Variants in NLN observed in about 807,000 individuals in gnomAD.
NLN encodes the protein neurolysin.
Under a neutral mutation model 79.9 loss-of-function variants are expected in NLN, and 64 were observed. The observed-to-expected ratio is 0.80, with a 90% CI of 0.65 to 0.99. The LOEUF is 0.99. Among genes scored for constraint, NLN ranks in the 50% least tolerant of loss-of-function variants. The pLI is 0.00. For synonymous variants in NLN, 267 were observed against 296.6 expected, an observed-to-expected ratio of 0.90 and a Z score of 1.02; for missense variants, 835 against 858.7, an observed-to-expected ratio of 0.97 and a Z score of 0.34.
chr5:65,796,571 G>T (rs1034974739), intron 9 of NLN, among the ~76,000 whole-genome samples: 1 of 152,104 alleles, frequency 6.6e-6, no homozygotes, highest in Non-Finnish European at 1.5e-5. Flanking sequence ...TCTTTACTTG[G>T]TCATATCTTC....
At chr5:65,731,672 C>G (rs1758610806) in intron 1 of NLN, among the ~76,000 whole-genome samples, 1 of 150,392 alleles carries the variant, frequency 6.6e-6, no homozygotes, top group African/African-American at 2.4e-5. Flanking sequence ...ATGATTTCTG[C>G]CTTTGGTCTC....
At chr5:65,801,320 G>T (rs1234463440) in intron 9 of NLN, among the ~76,000 whole-genome samples, 1 of 152,206 alleles carries the variant, frequency 6.6e-6, no homozygotes, top group East Asian at 1.9e-4. Context: ...AAAAACTGGG[G>T]AATGGTATTT....
intron 1 of NLN, 89 bp downstream of exon 1, chr5:65,722,503 G>A: frequency 8.2e-7 from 1 of 1,213,924 alleles, no homozygotes; most frequent in Non-Finnish European, 1.2e-6. Context: ...ACCCCTTCCC[G>A]ACCGCGCCTC....
chr5:65,805,914 G>T (rs1246078312), intron 9 of NLN, among the ~76,000 whole-genome samples: 3 of 152,234 alleles, frequency 2.0e-5, no homozygotes, highest in Non-Finnish European at 4.4e-5. Flanking sequence ...GTGACTTGAA[G>T]TTGAAGCCAA....
At chr5:65,725,698 C>A (rs1163676524) in intron 1 of NLN, among the ~76,000 whole-genome samples, 1 of 152,220 alleles carries the variant, frequency 6.6e-6, no homozygotes, top group Non-Finnish European at 1.5e-5. Flanking sequence ...GTAACACAAA[C>A]TGTCAGTTGT....
rs16894391 is a variant in NLN, at chr5:65,825,365, T to C, written c.*2450T>C. The C allele has an allele frequency of 0.11, 16,956 of 152,098 alleles. 1,431 individuals are homozygous for C. Among genetic ancestry groups the C allele is most frequent in the African/African-American group, 0.24 (9,880 of 41,448 alleles). The allele number at this position is 152,098 out of a possible 1,614,324, so 9.4% of individuals were successfully genotyped here. A position where few individuals can be genotyped will look rare whatever the true frequency, so the allele number is the denominator to read the frequency against. ...CATATAATAAGGTCTCTCCTGGTAA[T>C]TGATCCAGGGGATTTAGGCCTCTTT... On this transcript the variant is annotated 3_prime_UTR_variant, in exon 13 of 13. Coordinates refer to ENST00000380985, the MANE Select transcript of NLN (RefSeq NM_020726.5).
chr5:65,809,614 C>G lies in NLN; in HGVS notation c.1627C>G (p.Arg543Gly), dbSNP rs200418285. 3.1e-6 allele frequency: 5 copies of G among 1,613,712 alleles called. No individual in the cohort carries two copies. In the Admixed American group the frequency reaches 6.7e-5, roughly 22 times the overall value. ...TTGGGTGTGGGACGTCGATTCCCTC[C>G]GAAGATTGTCAAAACATTATAAAGA... is the stretch of plus-strand genomic sequence containing the variant. ...ENWVWDVDSL[R>G]RLSKHYKDGS... The change falls in exon 10 of 13, where the codon CGA becomes GGA. Residue 543 changes from arginine (R) to glycine (G), a missense_variant. Arg to Gly is a moderately radical substitution (Grantham distance 125, BLOSUM62 -2). Coordinates refer to ENST00000380985, the MANE Select transcript of NLN (RefSeq NM_020726.5).
intron 1 of NLN, among the ~76,000 whole-genome samples, chr5:65,751,393 T>C (rs936653847): frequency 6.6e-6 from 1 of 152,238 alleles, no homozygotes; most frequent in Non-Finnish European, 1.5e-5. Flanking sequence ...TTGTCATATT[T>C]GTCCCATCTT....
intron 3 of NLN, among the ~76,000 whole-genome samples, chr5:65,772,630 A>G (rs567919187): frequency 6.6e-6 from 1 of 152,122 alleles, no homozygotes; most frequent in Non-Finnish European, 1.5e-5. Flanking sequence ...CAAATATAAT[A>G]CAATTAGTTA....
chr5:65,730,522 T>C (rs1579904965), intron 1 of NLN, among the ~76,000 whole-genome samples: 1 of 151,746 alleles, frequency 6.6e-6, no homozygotes, highest in African/African-American at 2.4e-5. Flanking sequence ...ATTGGACTCA[T>C]CCTTTTTTTT....
rs186449414 is a variant in NLN, at chr5:65,741,754, T to C, written c.42-16813T>C. 2.0e-3 allele frequency among the ~76,000 whole-genome samples: 302 copies of C among 152,348 alleles called. 2 individuals are homozygous for C. The highest frequency in any genetic ancestry group is 2.3e-3 in the Non-Finnish European group (158 of 68,024). ...ATTAGTAATGAATCAAGGAACACTTTATTTCATTTGTGAAGCAGCACTTGA... is the reference window on the plus strand; with the variant it reads ...ATTAGTAATGAATCAAGGAACACTTCATTTCATTTGTGAAGCAGCACTTGA... On this transcript the variant is annotated intron_variant, in intron 1 of 12. Transcript: ENST00000380985.
At position 65,810,406 on chromosome 5, in the gene NLN, TC is replaced by T. The variant is rs1760518642; in HGVS notation, c.1843+243del. On this transcript the variant is annotated intron_variant, in intron 11 of 12. Transcript: ENST00000380985. Reference sequence around the variant, plus strand: ...TGTAATCAGGCATGAGCAGTTGGCCTCCGCCCCAGAGCTGGGAGAGCCATTC... The same window carrying T: ...TGTAATCAGGCATGAGCAGTTGGCCTCGCCCCAGAGCTGGGAGAGCCATTC... 4.6e-5 allele frequency among the ~76,000 whole-genome samples: 7 copies of T among 152,348 alleles called. No homozygotes were observed. The South Asian group carries it at 1.2e-3, about 27-fold the overall frequency.
In NLN at chr5:65,780,698, G is replaced by A. The variant is rs550465919; in HGVS notation, c.661+417G>A. 2.6e-5 allele frequency among the ~76,000 whole-genome samples: 4 copies of A among 151,232 alleles called. No individual in the cohort carries two copies. The East Asian group carries it at 5.8e-4, about 22-fold the overall frequency. On this transcript the variant is annotated intron_variant, in intron 5 of 12. Transcript: ENST00000380985. ...TTCTTTTCTTTTCTTTTTTTGAGAC[G>A]GAGTCTCGCTCTGTTGCCAGGCTGG...
intron 11 of NLN, among the ~76,000 whole-genome samples, chr5:65,810,959 A>G (rs1444753679): frequency 2.6e-5 from 4 of 152,182 alleles, no homozygotes; most frequent in Non-Finnish European, 5.9e-5. Context: ...AGCCTGGGTG[A>G]CACAGTGAGA....
Position 65,735,231 on chromosome 5 carries a change from G to A in NLN, c.41+12817G>A, listed in dbSNP as rs532849078. 2.1e-4 allele frequency among the ~76,000 whole-genome samples: 32 copies of A among 152,246 alleles called. 1 individual carries two copies. The highest frequency in any genetic ancestry group is 2.0e-3 in the Admixed American group (31 of 15,288). ...CCATGATTCTAAGTTTCATGAGGTC[G>A]CCCCAGCCATGCTGAACTGTGAATC... is the stretch of plus-strand genomic sequence containing the variant. On this transcript the variant is annotated intron_variant, in intron 1 of 12. Transcript: ENST00000380985.
At chr5:65,735,443 A>C (rs1429820761) in intron 1 of NLN, among the ~76,000 whole-genome samples, 1 of 151,962 alleles carries the variant, frequency 6.6e-6, no homozygotes, top group Non-Finnish European at 1.5e-5. Context: ...CCTCAGTGTC[A>C]CCATTTACGC....
intron 9 of NLN, among the ~76,000 whole-genome samples, chr5:65,807,485 G>A (rs1397334626): frequency 6.6e-6 from 1 of 151,592 alleles, no homozygotes; most frequent in African/African-American, 2.4e-5. Context: ...CTGTTGCCCA[G>A]GCTGGAATGC....
chr5:65,759,459 G>T (rs895661482), intron 2 of NLN, among the ~76,000 whole-genome samples: 5 of 151,928 alleles, frequency 3.3e-5, no homozygotes, highest in Non-Finnish European at 7.4e-5. Context: ...TGTGGGGAGA[G>T]AGAGATTGAT....
chr5:65,790,541 A>C lies in NLN; in HGVS notation c.1326-1913A>C, dbSNP rs148987561. ...CCAACAGGGGAAAGCCCCTTATGAA[A>C]CCATCAGCTCTTGTGAGAACTCACT... On this transcript the variant is annotated intron_variant, in intron 8 of 12. Coordinates refer to ENST00000380985, the MANE Select transcript of NLN (RefSeq NM_020726.5). Among the ~76,000 whole-genome samples the C allele has an allele frequency of 6.3e-4, 96 of 152,278 alleles. No individual in the cohort carries two copies. The East Asian group carries it at 0.017, about 27-fold the overall frequency.
Sources: allele counts gnomAD v4.1 joint callset (sites outside exome capture counted in the v4.1 genomes callset), GRCh38; gene constraint gnomAD v4.1.1; transcripts MANE v1.5; gene names NCBI Gene and HGNC (gene_info 2026-07-23, HGNC 2026-07-21).